KCNT2: variants seen among roughly 807,000 people sequenced by gnomAD.
KCNT2 encodes potassium channel subfamily T member 2.
A neutral mutation model predicts 153.8 loss-of-function variants in KCNT2; 67 were observed. The observed-to-expected ratio is 0.44, with a 90% CI of 0.36 to 0.53. The LOEUF is 0.53. Ranked by LOEUF, KCNT2 falls within the 20% of genes least tolerant of loss-of-function variation. The probability of loss-of-function intolerance (pLI) is 0.00; values close to 1 mark genes in which losing one functional copy is unlikely to be tolerated. For synonymous variants in KCNT2, 500 were observed against 458.8 expected (o/e 1.09, Z -1.15); for missense variants, 975 against 1,354.8 (o/e 0.72, Z 4.40).
chr1:196,461,262 C>T (rs888716078), intron 8 of KCNT2, among the ~76,000 whole-genome samples: 1 of 151,520 alleles, frequency 6.6e-6, no homozygotes, highest in African/African-American at 2.4e-5. Context: ...TTGAATTAAG[C>T]ATGTTAATCA....
At chr1:196,599,687 A>G (rs1664495628) in intron 1 of KCNT2, among the ~76,000 whole-genome samples, 1 of 152,190 alleles carries the variant, frequency 6.6e-6, no homozygotes, top group African/African-American at 2.4e-5. Context: ...ATTGTCCCCT[A>G]CACATCAGCC....
chr1:196,602,724 A>T (rs917691790), intron 1 of KCNT2, among the ~76,000 whole-genome samples: 4 of 147,082 alleles, frequency 2.7e-5, no homozygotes, highest in Non-Finnish European at 5.9e-5. Flanking sequence ...TAAATAATAC[A>T]TTTTTCTCTG....
intron 5 of KCNT2, among the ~76,000 whole-genome samples, chr1:196,473,553 C>T (rs940472675): frequency 6.6e-6 from 1 of 152,140 alleles, no homozygotes; most frequent in East Asian, 1.9e-4. Flanking sequence ...GAACTTCCCA[C>T]AGAGGACTAA....
At chr1:196,277,974 G>C (rs1213553572) in intron 25 of KCNT2, among the ~76,000 whole-genome samples, 1 of 151,874 alleles carries the variant, frequency 6.6e-6, no homozygotes, top group Non-Finnish European at 1.5e-5. Flanking sequence ...GCACTTTAAT[G>C]GTATTTTTTT....
intron 1 of KCNT2, among the ~76,000 whole-genome samples, chr1:196,581,235 G>A (rs546483985): frequency 1.6e-3 from 238 of 151,950 alleles, no homozygotes; most frequent in Non-Finnish European, 2.7e-3. Flanking sequence ...GTAGTGTTTC[G>A]CTTTTTTTAT....
chr1:196,509,459 T>C lies in KCNT2; in HGVS notation c.96-17118A>G, dbSNP rs537161005. Among the ~76,000 whole-genome samples the C allele has an allele frequency of 4.7e-4, 72 of 152,242 alleles. 2 individuals are homozygous for C. The South Asian group carries it at 0.015, about 32-fold the overall frequency. On this transcript the variant is annotated intron_variant, in intron 1 of 27. Transcript: ENST00000294725. The stretch of plus-strand genomic sequence containing the variant: ...TAAATCTTAGTTACCTAACGTTGAA[T>C]AAAAGATGCAAGCCTAAGACTATAT...
chr1:196,258,143 A>C (rs1282696404), intron 26 of KCNT2, 51 bp downstream of exon 26: 2 of 1,570,468 alleles, frequency 1.3e-6, no homozygotes, highest in Non-Finnish European at 1.7e-6. Context: ...TATTACTACT[A>C]ATGGCAAGAA....
chr1:196,426,502 C>A (rs1044925900), intron 10 of KCNT2, among the ~76,000 whole-genome samples: 4 of 151,784 alleles, frequency 2.6e-5, no homozygotes, highest in African/African-American at 9.7e-5. Flanking sequence ...AAAATACTGA[C>A]AAAGTAAATT....
intron 1 of KCNT2, among the ~76,000 whole-genome samples, chr1:196,569,901 T>C (rs1241141271): frequency 6.6e-6 from 1 of 151,988 alleles, no homozygotes; most frequent in Non-Finnish European, 1.5e-5. Flanking sequence ...TTTGTTTTGA[T>C]TATGAGGTAG....
rs188273800 is a variant in KCNT2 at position 196,241,195 on chromosome 1, T to C, written c.3212-5125A>G. Among the ~76,000 whole-genome samples, 13 of 151,730 alleles carry C rather than the reference T, an allele frequency of 8.6e-5. No individual in the cohort carries two copies. The East Asian group carries it at 2.3e-3, about 27-fold the overall frequency. On this transcript the variant is annotated intron_variant, in intron 26 of 27. Transcript: ENST00000294725. ...TATGAGAAAGAGGGTTTTGTTTTGT[T>C]TTTGTTTTTGTTTTTGTTTTGTTAG...
chr1:196,382,522 C>A (rs748421160), intron 13 of KCNT2, among the ~76,000 whole-genome samples: 6 of 151,714 alleles, frequency 4.0e-5, no homozygotes, highest in Middle Eastern at 6.8e-3. Flanking sequence ...AATGTTTACA[C>A]AAATATATTA....
intron 10 of KCNT2, among the ~76,000 whole-genome samples, chr1:196,427,623 A>C (rs1307764002): frequency 6.6e-6 from 1 of 152,098 alleles, no homozygotes; most frequent in Non-Finnish European, 1.5e-5. Context: ...CTATACATAT[A>C]GGATATATTT....
At chr1:196,520,655 C>A (rs1354659862) in intron 1 of KCNT2, among the ~76,000 whole-genome samples, 1 of 152,062 alleles carries the variant, frequency 6.6e-6, no homozygotes, top group East Asian at 1.9e-4. Flanking sequence ...ACACCTACAA[C>A]CATCTGATCT....
intron 21 of KCNT2, among the ~76,000 whole-genome samples, 177 bp from the exon 22 acceptor site, chr1:196,305,522 C>T (rs1661549149): frequency 6.6e-6 from 1 of 152,032 alleles, no homozygotes; most frequent in South Asian, 2.1e-4. Flanking sequence ...ACACTATTTC[C>T]CGAAGAATAT....
chr1:196,459,815 G>A (rs1557963291), intron 8 of KCNT2, among the ~76,000 whole-genome samples: 1 of 151,744 alleles, frequency 6.6e-6, no homozygotes, highest in Non-Finnish European at 1.5e-5. Flanking sequence ...CACATTTGAA[G>A]TCCTCTAATC....
intron 16 of KCNT2, among the ~76,000 whole-genome samples, chr1:196,336,548 A>T (rs1665054860): frequency 6.6e-6 from 1 of 152,146 alleles, no homozygotes; most frequent in South Asian, 2.1e-4. Flanking sequence ...CACAAGCTAC[A>T]AATCCATTTC....
In KCNT2 at chr1:196,284,461, G is replaced by A. The variant is rs1018353396; in HGVS notation, c.2697+1196C>T. 2.7e-5 allele frequency among the ~76,000 whole-genome samples: 4 copies of A among 150,432 alleles called. No homozygotes were observed. The South Asian group carries it at 8.5e-4, about 32-fold the overall frequency. On this transcript the variant is annotated intron_variant, in intron 23 of 27. Coordinates refer to ENST00000294725, the MANE Select transcript of KCNT2 (RefSeq NM_198503.5). Reference sequence around the variant, plus strand: ...ACTTATACATGAGATTTCCTTACAAGATTTTATTTAAACAGAGGATACTGT... The same window carrying A: ...ACTTATACATGAGATTTCCTTACAAAATTTTATTTAAACAGAGGATACTGT...
At chr1:196,381,830 G>A (rs1572238892) in intron 13 of KCNT2, among the ~76,000 whole-genome samples, 2 of 152,180 alleles carry the variant, frequency 1.3e-5, no homozygotes, top group Admixed American at 6.5e-5. Context: ...GAGAACGTAG[G>A]CAAATTTGCC....
At chr1:196,263,927 G>A (rs1657270387) in intron 25 of KCNT2, among the ~76,000 whole-genome samples, 1 of 151,576 alleles carries the variant, frequency 6.6e-6, no homozygotes, top group Non-Finnish European at 1.5e-5. Flanking sequence ...TGATGACTTG[G>A]TTTTACTGCA....
Sources: allele counts gnomAD v4.1 joint callset (sites outside exome capture counted in the v4.1 genomes callset), GRCh38; gene constraint gnomAD v4.1.1; transcripts MANE v1.5; gene names NCBI Gene and HGNC (gene_info 2026-07-23, HGNC 2026-07-21).